TEK: variants seen among roughly 807,000 people sequenced by gnomAD.
The protein encoded by TEK is angiopoietin-1 receptor.
Under a neutral mutation model 131.8 loss-of-function variants are expected in TEK, and 43 were observed. The ratio of observed to expected loss-of-function variants is 0.33; its 90% CI spans 0.26 to 0.42. TEK has a LOEUF of 0.42. Ranked by LOEUF, TEK falls within the 10% of genes least tolerant of loss-of-function variation. The pLI, the probability that TEK is intolerant of heterozygous loss-of-function variation, is 1.00. For missense variants in TEK, 1,162 were observed against 1,384.4 expected (o/e 0.84, Z 2.55); for synonymous variants, 580 against 491.6 (o/e 1.18, Z -2.38).
At chr9:27,213,271 ATTTG>A (rs1418543642) in intron 17 of TEK, among the ~76,000 whole-genome samples, 1 of 152,008 alleles carries the variant, frequency 6.6e-6, no homozygotes, top group Non-Finnish European at 1.5e-5. Flanking sequence ...TGTGTTTTTT[ATTTG>A]TTCGTTTTCT....
rs572850651 is a variant in TEK at position 27,152,546 on chromosome 9, T to C, written c.53-5285T>C. 2.6e-5 allele frequency among the ~76,000 whole-genome samples: 4 copies of C among 152,032 alleles called. No homozygotes were observed. The South Asian group carries it at 8.3e-4, about 32-fold the overall frequency. On this transcript the variant is annotated intron_variant, in intron 1 of 22. Coordinates refer to ENST00000380036, the MANE Select transcript of TEK (RefSeq NM_000459.5). ...GCTGACCTTTGAGGTTTTATGTTTT[T>C]AATTAAGCAAAATTTTTTTCTTTCA... is the stretch of plus-strand genomic sequence containing the variant.
chr9:27,159,537 C>G (rs946081446), intron 2 of TEK, among the ~76,000 whole-genome samples: 1 of 152,134 alleles, frequency 6.6e-6, no homozygotes, highest in African/African-American at 2.4e-5. Context: ...CCAGGTCCAG[C>G]TCAGAAAACA....
chr9:27,178,367 G>C (rs1448982085), intron 6 of TEK, among the ~76,000 whole-genome samples: 1 of 151,916 alleles, frequency 6.6e-6, no homozygotes. Context: ...CTATAGCTTT[G>C]TAATATATTT....
chr9:27,228,296 G>A lies in TEK; in HGVS notation c.3291G>A (p.Glu1097=). ...QILVSLNRML[E]ERKTYVNTTL... ...TGGTGTCCTTAAACAGAATGTTAGA[G>A]GAGCGAAAGGTAAGTATTAAAGTCA... The change falls in exon 22 of 23, where the codon GAG becomes GAA. Residue 1097 remains glutamate, a synonymous_variant. Coordinates refer to ENST00000380036, the MANE Select transcript of TEK (RefSeq NM_000459.5). 5.0e-6 allele frequency: 8 copies of A among 1,612,070 alleles called. No homozygotes were observed. Among genetic ancestry groups the A allele is most frequent in the South Asian group, 1.1e-5 (1 of 91,044 alleles).
At chr9:27,228,729 C>T (rs936424793) in intron 22 of TEK, among the ~76,000 whole-genome samples, 15 of 152,026 alleles carry the variant, frequency 9.9e-5, no homozygotes, top group Non-Finnish European at 1.5e-4. Flanking sequence ...TTGGCTGTAC[C>T]GATCTGGGAG....
At chr9:27,129,823 C>T (rs1023284446) in intron 1 of TEK, among the ~76,000 whole-genome samples, 1 of 152,142 alleles carries the variant, frequency 6.6e-6, no homozygotes, top group Non-Finnish European at 1.5e-5. Flanking sequence ...AGACCAGGCT[C>T]TGGCCACACT....
intron 21 of TEK, among the ~76,000 whole-genome samples, chr9:27,223,042 TAAAGGGATC>T (rs2131254526): frequency 6.6e-6 from 1 of 152,136 alleles, no homozygotes; most frequent in Admixed American, 6.5e-5. Context: ...TACATAATGG[TAAAGGGATC>T]AATGCACCAA....
At chr9:27,198,808 A>G (rs944610902) in intron 12 of TEK, among the ~76,000 whole-genome samples, 6 of 152,252 alleles carry the variant, frequency 3.9e-5, no homozygotes, top group South Asian at 2.1e-4. Flanking sequence ...TTGTATGTAT[A>G]TATTTTTTGA....
At position 27,183,443 on chromosome 9, in the gene TEK, T is replaced by C. The variant is rs184915150; in HGVS notation, c.1031-16T>C. The stretch of plus-strand genomic sequence containing the variant: ...TGTTAAATATTAGATTTCACAGTGC[T>C]GTTTTCTTCCTTCAGGCATACAGAG... On this transcript the variant is annotated splice_polypyrimidine_tract_variant and intron_variant, in intron 7 of 22. Coordinates refer to ENST00000380036, the MANE Select transcript of TEK (RefSeq NM_000459.5). The C allele has an allele frequency of 7.4e-5, 119 of 1,613,430 alleles. 1 individual carries two copies. The African/African-American group carries it at 1.3e-3, about 18-fold the overall frequency.
intron 1 of TEK, among the ~76,000 whole-genome samples, chr9:27,115,743 G>A (rs1050129438): frequency 1.3e-5 from 2 of 152,150 alleles, no homozygotes; most frequent in Admixed American, 1.3e-4. Context: ...GAAAAGGGAA[G>A]AAAGGACATA....
At chr9:27,134,183 A>G (rs1356122538) in intron 1 of TEK, among the ~76,000 whole-genome samples, 2 of 152,194 alleles carry the variant, frequency 1.3e-5, no homozygotes, top group South Asian at 2.1e-4. Flanking sequence ...TGTCAGTGGT[A>G]TGGTTAAGCA....
intron 21 of TEK, among the ~76,000 whole-genome samples, chr9:27,226,482 C>G (rs1826332006): frequency 6.6e-6 from 1 of 152,008 alleles, no homozygotes; most frequent in African/African-American, 2.4e-5. Context: ...AGCACAAGAA[C>G]AGAAGACCAA....
At chr9:27,221,622 G>A (rs907657550) in intron 21 of TEK, among the ~76,000 whole-genome samples, 1 of 152,188 alleles carries the variant, frequency 6.6e-6, no homozygotes, top group Non-Finnish European at 1.5e-5. Flanking sequence ...CAGGCAGACA[G>A]GGTCTGGAGT....
chr9:27,161,148 A>T (rs1332796565), intron 2 of TEK, among the ~76,000 whole-genome samples: 1 of 152,188 alleles, frequency 6.6e-6, no homozygotes, highest in African/African-American at 2.4e-5. Context: ...GATCCCCCCA[A>T]ACTGAGAGGC....
At chr9:27,203,141 T>C (rs773981164) in intron 13 of TEK, 22 bp downstream of exon 13, 22 of 1,612,806 alleles carry the variant, frequency 1.4e-5, no homozygotes, top group East Asian at 6.7e-5. Context: ...GGACAAGTAT[T>C]TACATAGGAT....
At chr9:27,176,203 T>C (rs187832066) in intron 6 of TEK, among the ~76,000 whole-genome samples, 1 of 152,302 alleles carries the variant, frequency 6.6e-6, no homozygotes, top group African/African-American at 2.4e-5. Context: ...CAACAATAGA[T>C]TGTACACTGG....
chr9:27,225,709 A>AT (rs561742795), intron 21 of TEK, among the ~76,000 whole-genome samples: 196 of 152,340 alleles, frequency 1.3e-3, no homozygotes, highest in Admixed American at 1.1e-3. Flanking sequence ...ACCAAAAGCG[A>AT]TGGCAACAAA....
Position 27,109,440 on chromosome 9 carries a change from C to T in TEK, c.-151C>T. The stretch of plus-strand genomic sequence containing the variant: ...CAGACAGAAATGAGACTGTTACAGC[C>T]TGCTTCTGTGCTGTTCCTTCTTGCC... On this transcript the variant is annotated 5_prime_UTR_variant, in exon 1 of 23. Coordinates refer to ENST00000380036, the MANE Select transcript of TEK (RefSeq NM_000459.5). 1.3e-6 allele frequency: 1 copy of T among 790,974 alleles called. No individual in the cohort carries two copies. The highest frequency in any genetic ancestry group is 1.5e-5 in the South Asian group (1 of 68,724). 49.0% of individuals were successfully genotyped at this position (790,974 alleles called of 1,614,324 possible). A position where few individuals can be genotyped will look rare whatever the true frequency, so the allele number is the denominator to read the frequency against.
At chr9:27,227,892 T>C (rs1826402473) in intron 21 of TEK, among the ~76,000 whole-genome samples, 1 of 152,208 alleles carries the variant, frequency 6.6e-6, no homozygotes, top group Non-Finnish European at 1.5e-5. Flanking sequence ...TAAGAGACAC[T>C]AACATTTTGA....
Sources: allele counts gnomAD v4.1 joint callset (sites outside exome capture counted in the v4.1 genomes callset), GRCh38; gene constraint gnomAD v4.1.1; transcripts MANE v1.5; gene names NCBI Gene and HGNC (gene_info 2026-07-23, HGNC 2026-07-21).